DMRT1: variants seen among roughly 807,000 people sequenced by gnomAD.
DMRT1 encodes the protein doublesex and mab-3 related transcription factor 1.
Under a neutral mutation model 32.3 loss-of-function variants are expected in DMRT1, and 7 were observed. The ratio of observed to expected loss-of-function variants is 0.22; its 90% confidence interval spans 0.12 to 0.41. DMRT1 has a LOEUF of 0.41. Ranked by LOEUF, DMRT1 falls within the 10% of genes least tolerant of loss-of-function variation. The pLI, the probability that DMRT1 is intolerant of heterozygous loss-of-function variation, is 1.00. For synonymous variants in DMRT1, 278 were observed against 206.1 expected (o/e 1.35, Z -2.99); for missense variants, 625 against 500.5 (o/e 1.25, Z -2.37).
chr9:893,803 C>T (rs1164640919), intron 2 of DMRT1, 109 bp from the exon 3 acceptor site: 1 of 989,486 alleles, frequency 1.0e-6, no homozygotes, highest in Non-Finnish European at 1.6e-6. Context: ...TTGTCTTCTG[C>T]ATATTCAGCT....
intron 4 of DMRT1, among the ~76,000 whole-genome samples, chr9:960,533 C>G (rs1446946562): frequency 6.6e-6 from 1 of 152,210 alleles, no homozygotes; most frequent in Non-Finnish European, 1.5e-5. Context: ...ATCCTCAATG[C>G]AACTTTGTGA....
At chr9:902,845 AG>A in intron 3 of DMRT1, among the ~76,000 whole-genome samples, 3 of 152,108 alleles carry the variant, frequency 2.0e-5, no homozygotes, top group Middle Eastern at 6.8e-3. Context: ...TAGCATTTTG[AG>A]GAATTCATTC....
At position 864,716 on chromosome 9, in the gene DMRT1, G is replaced by A. The variant is rs185154077; in HGVS notation, c.538+17573G>A. Among the ~76,000 whole-genome samples, 14 of 149,276 alleles carry A rather than the reference G, an allele frequency of 9.4e-5. No individual in the cohort carries two copies. The East Asian group carries it at 2.4e-3, about 26-fold the overall frequency. ...AGGGTTTCACCATGTTAGCCAGGAT[G>A]GTCTCCATCTCCTAACCTTGCGATC... is the stretch of plus-strand genomic sequence containing the variant. On this transcript the variant is annotated intron_variant, in intron 2 of 4. Transcript: ENST00000382276.
At chr9:936,856 T>C (rs1045831302) in intron 4 of DMRT1, among the ~76,000 whole-genome samples, 3 of 152,166 alleles carry the variant, frequency 2.0e-5, no homozygotes, top group African/African-American at 7.2e-5. Context: ...ATGTCAAAAT[T>C]TGCCATTTTA....
chr9:879,169 A>G (rs551168899), intron 2 of DMRT1, among the ~76,000 whole-genome samples: 7 of 152,286 alleles, frequency 4.6e-5, no homozygotes, highest in East Asian at 3.9e-4. Context: ...GGCTGTTAAG[A>G]TGGAAGTTCT....
Position 842,150 on chromosome 9 carries a change from G to A in DMRT1, c.312G>A (p.Lys104=), listed in dbSNP as rs959034753. Residue 104 remains lysine (K), a synonymous_variant, in exon 1 of 5, where the codon AAG becomes AAA. Coordinates refer to ENST00000382276, the MANE Select transcript of DMRT1 (RefSeq NM_021951.3). ...TGTGGCGCGACTGCCAGTGCAAGAA[G>A]TGCAACCTGATCGCCGAGAGGCAGC... ...FCMWRDCQCK[K]CNLIAERQRV... The A allele has an allele frequency of 1.9e-6, 3 of 1,547,882 alleles. No individual in the cohort carries two copies. The highest frequency in any genetic ancestry group is 2.7e-5 in the African/African-American group (2 of 73,328).
chr9:949,187 A>G (rs1356617575), intron 4 of DMRT1, among the ~76,000 whole-genome samples: 1 of 152,094 alleles, frequency 6.6e-6, no homozygotes, highest in African/African-American at 2.4e-5. Context: ...AGCCTGGGCA[A>G]CAAAGCCTTT....
chr9:894,237 A>G, intron 3 of DMRT1, 42 bp downstream of exon 3: 1 of 1,602,962 alleles, frequency 6.2e-7, no homozygotes, highest in South Asian at 1.1e-5. Context: ...GTTGTGTGAA[A>G]GCCACATGCA....
intron 4 of DMRT1, among the ~76,000 whole-genome samples, chr9:932,340 C>T (rs897145098): frequency 2.0e-5 from 3 of 152,152 alleles, no homozygotes; most frequent in Non-Finnish European, 2.9e-5. Flanking sequence ...GGCCTCCACA[C>T]GCAGGGACAT....
At chr9:963,746 G>T (rs377411505) in intron 4 of DMRT1, among the ~76,000 whole-genome samples, 2 of 152,218 alleles carry the variant, frequency 1.3e-5, no homozygotes, top group South Asian at 2.1e-4. Context: ...CTCTGGAAAA[G>T]AGTTCTATTG....
chr9:896,708 A>C (rs960159557), intron 3 of DMRT1, among the ~76,000 whole-genome samples: 1 of 151,734 alleles, frequency 6.6e-6, no homozygotes, highest in East Asian at 2.0e-4. Flanking sequence ...AGCTACTCAG[A>C]AGGCTGAGGC....
intron 3 of DMRT1, among the ~76,000 whole-genome samples, chr9:912,686 CT>C (rs1818031154): frequency 6.6e-6 from 1 of 151,950 alleles, no homozygotes; most frequent in Non-Finnish European, 1.5e-5. Flanking sequence ...CAGATTTAGC[CT>C]GTTTTAGTTA....
intron 4 of DMRT1, among the ~76,000 whole-genome samples, chr9:932,338 C>G (rs1251982399): frequency 6.6e-6 from 1 of 152,200 alleles, no homozygotes; most frequent in Non-Finnish European, 1.5e-5. Flanking sequence ...TGGGCCTCCA[C>G]ACGCAGGGAC....
At chr9:906,333 G>A (rs538347688) in intron 3 of DMRT1, among the ~76,000 whole-genome samples, 5 of 152,310 alleles carry the variant, frequency 3.3e-5, no homozygotes, top group African/African-American at 1.2e-4. Context: ...AGGCTCTCAT[G>A]TTCTGTGCTC....
At chr9:936,490 G>A (rs1245129880) in intron 4 of DMRT1, among the ~76,000 whole-genome samples, 1 of 152,116 alleles carries the variant, frequency 6.6e-6, no homozygotes, top group East Asian at 1.9e-4. Context: ...GGTGGCTCAT[G>A]CCTGTAATCC....
intron 3 of DMRT1, among the ~76,000 whole-genome samples, chr9:904,487 A>T (rs1257421659): frequency 6.6e-6 from 1 of 152,228 alleles, no homozygotes; most frequent in African/African-American, 2.4e-5. Context: ...ATAGAAAAAA[A>T]GACTAGAGTT....
chr9:936,712 C>T (rs1040585220), intron 4 of DMRT1, among the ~76,000 whole-genome samples: 2 of 149,958 alleles, frequency 1.3e-5, no homozygotes, highest in Non-Finnish European at 2.9e-5. Flanking sequence ...CGAGATCACA[C>T]CATTGCACTC....
intron 3 of DMRT1, among the ~76,000 whole-genome samples, chr9:909,270 T>C (rs1218539319): frequency 1.3e-5 from 2 of 152,212 alleles, no homozygotes; most frequent in Non-Finnish European, 2.9e-5. Context: ...GCTTTGGTAA[T>C]CTCTGAAATG....
In DMRT1 at chr9:882,915, G is replaced by A. The variant is rs149490483; in HGVS notation, c.539-10997G>A. Reference sequence around the variant, plus strand: ...GCCTCCCCAGTAGCTGGGATTACAGGTGCCTGCCACCATGCCCGGCTAATT... The same window carrying A: ...GCCTCCCCAGTAGCTGGGATTACAGATGCCTGCCACCATGCCCGGCTAATT... On this transcript the variant is annotated intron_variant, in intron 2 of 4. Transcript: ENST00000382276. Among the ~76,000 whole-genome samples the A allele has an allele frequency of 3.7e-3, 559 of 151,820 alleles. 3 individuals carry two copies. The highest frequency in any genetic ancestry group is 0.012 in the African/African-American group (503 of 41,370).
Sources: gnomAD v4.1 joint callset for allele counts (sites outside exome capture counted in the v4.1 genomes callset) on GRCh38, gnomAD v4.1.1 for gene constraint, MANE v1.5 for transcripts, NCBI Gene and HGNC (gene_info 2026-07-23, HGNC 2026-07-21) for gene names.